Variants in DET1 observed in about 807,000 individuals in gnomAD.
DET1 encodes the protein DET1 homolog.
Under a neutral mutation model 43.7 loss-of-function variants are expected in DET1, and 22 were observed. The ratio of observed to expected loss-of-function variants is 0.50; its 90% confidence interval spans 0.36 to 0.72. DET1 has a LOEUF of 0.72. Among genes scored for constraint, DET1 ranks in the 30% least tolerant of loss-of-function variants. The pLI is 0.00. For missense variants in DET1, 713 were observed against 713.3 expected, an observed-to-expected ratio of 1.00 and a Z score of 0.00; for synonymous variants, 315 against 266.2, an observed-to-expected ratio of 1.18 and a Z score of -1.79.
At chr15:88,502,248 C>A (rs566771075) in intron 8 of DET1, 105 of 152,338 alleles carry the variant, frequency 6.9e-4, no homozygotes, top group African/African-American at 2.5e-3. Context: ...GGCAAAGAGA[C>A]TGAATCTAAA....
chr15:88,539,380 C>T (rs2057039402), intron 1 of DET1, among the ~76,000 whole-genome samples: 1 of 151,288 alleles, frequency 6.6e-6, no homozygotes, highest in Admixed American at 6.6e-5. Flanking sequence ...AGCCCAAGTC[C>T]CCTCAGGGGA....
At chr15:88,539,096 T>G (rs1265049840) in intron 1 of DET1, among the ~76,000 whole-genome samples, 1 of 13,342 alleles carries the variant, frequency 7.5e-5, no homozygotes, top group African/African-American at 7.6e-4. Context: ...GGCAGACCGC[T>G]CTCTCTCTCT....
At chr15:88,513,501 T>C (rs1439200534) in intron 4 of DET1, among the ~76,000 whole-genome samples, 1 of 152,132 alleles carries the variant, frequency 6.6e-6, no homozygotes, top group African/African-American at 2.4e-5. Flanking sequence ...AATTTTAAAT[T>C]TTCAGGTAGC....
intron 3 of DET1, among the ~76,000 whole-genome samples, chr15:88,523,349 GATTACTATAAA>G (rs2056555544): frequency 6.6e-6 from 1 of 152,042 alleles, no homozygotes; most frequent in African/African-American, 2.4e-5. Context: ...GCTGGGAAAA[GATTACTATAAA>G]ATTTAGCATT....
In DET1 at chr15:88,521,795, GTTCT is replaced by G. The variant is rs1245987057; in HGVS notation, c.1272-4826_1272-4823del. Among the ~76,000 whole-genome samples, 11 of 152,146 alleles carry G rather than the reference GTTCT, an allele frequency of 7.2e-5. No individual in the cohort carries two copies. The South Asian group carries it at 2.1e-3, about 29-fold the overall frequency. Reference sequence around the variant, plus strand: ...TATTGTTTTTACATGTGAAATGTATGTTCTTTCTCAAAGTTTTCACAATGTTCTC... The same window carrying G: ...TATTGTTTTTACATGTGAAATGTATGTTCTCAAAGTTTTCACAATGTTCTC... On this transcript the variant is annotated intron_variant, in intron 3 of 4. Coordinates refer to ENST00000268148, the MANE Select transcript of DET1 (RefSeq NM_001144074.3).
At chr15:88,525,057 C>T (rs1164267126) in intron 3 of DET1, among the ~76,000 whole-genome samples, 2 of 152,096 alleles carry the variant, frequency 1.3e-5, no homozygotes, top group African/African-American at 4.8e-5. Context: ...GTTGGGGAGA[C>T]AGAAGAGACA....
At chr15:88,509,825 G>C (rs935982076), downstream of DET1, among the ~76,000 whole-genome samples, 11 of 152,184 alleles carry the variant, frequency 7.2e-5, no homozygotes, top group African/African-American at 2.4e-4. Flanking sequence ...GAACATGAAG[G>C]GGAGTGATGT....
Position 88,531,078 on chromosome 15 carries a change from T to C in DET1, c.628A>G (p.Lys210Glu). Residue 210 changes from lysine to glutamate, a missense_variant, in exon 2 of 5, where the codon AAG becomes GAG. By Grantham distance (56) the Lys-to-Glu change is moderately conservative. Coordinates refer to ENST00000268148, the MANE Select transcript of DET1 (RefSeq NM_001144074.3). This position sits in a 1 kb window ranked among gnomAD's most constrained non-coding sequence, Gnocchi z 6.2. ...TGRLCDTRTF[K>E]CDKVVLSHNQ... The stretch of plus-strand genomic sequence containing the variant: ...TGTGACAAGACCACCTTGTCACACT[T>C]GAACGTGCGTGTATCACATAAGCGG... 2 of 1,613,998 alleles carry C rather than the reference T, an allele frequency of 1.2e-6. No homozygotes were observed. Among genetic ancestry groups the C allele is most frequent in the South Asian group, 2.2e-5 (2 of 91,080 alleles).
At chr15:88,545,883 T>C (rs1197421515) in intron 1 of DET1, among the ~76,000 whole-genome samples, 2 of 150,596 alleles carry the variant, frequency 1.3e-5, no homozygotes, top group African/African-American at 4.9e-5. Flanking sequence ...AATTAACTGA[T>C]AAGATACTGT....
At chr15:88,513,285 C>T in intron 4 of DET1, 145 bp from the exon 5 acceptor site, 1 of 821,964 alleles carries the variant, frequency 1.2e-6, no homozygotes, top group Non-Finnish European at 1.8e-6. Context: ...CCCAGGTTAT[C>T]AGAAGTATAA....
chr15:88,542,721 C>T (rs561901323), intron 1 of DET1, among the ~76,000 whole-genome samples: 5 of 152,162 alleles, frequency 3.3e-5, no homozygotes, highest in African/African-American at 1.2e-4. Flanking sequence ...AAAAATCTTA[C>T]TAATGGCTAT....
chr15:88,511,121 C>A (rs2056196107), downstream of DET1, among the ~76,000 whole-genome samples: 1 of 152,076 alleles, frequency 6.6e-6, no homozygotes. Flanking sequence ...CTTTGCAACC[C>A]TACATTTTTC....
At chr15:88,503,476 A>T (rs1017458473) in intron 8 of DET1, 4 of 152,238 alleles carry the variant, frequency 2.6e-5, no homozygotes, top group African/African-American at 9.6e-5. Flanking sequence ...AAATAAATTC[A>T]GAGATTTAAA....
intron 1 of DET1, among the ~76,000 whole-genome samples, chr15:88,541,877 C>T (rs1043249808): frequency 2.0e-5 from 3 of 152,170 alleles, no homozygotes; most frequent in Admixed American, 6.5e-5. Flanking sequence ...CATGTCTCTT[C>T]GAGGAGACGT....
At chr15:88,538,290 A>G (rs1220161356) in intron 1 of DET1, among the ~76,000 whole-genome samples, 2 of 150,852 alleles carry the variant, frequency 1.3e-5, no homozygotes, top group Non-Finnish European at 3.0e-5. Context: ...AATGCAATTA[A>G]CTGATAAGAT....
chr15:88,528,533 G>A (rs539608922), intron 2 of DET1, among the ~76,000 whole-genome samples: 6 of 152,344 alleles, frequency 3.9e-5, no homozygotes, highest in South Asian at 2.1e-4. Context: ...AACCTGAAAA[G>A]CATTCAAATG....
chr15:88,538,124 T>C (rs537723886), intron 1 of DET1, among the ~76,000 whole-genome samples: 7 of 152,292 alleles, frequency 4.6e-5, no homozygotes, highest in African/African-American at 1.7e-4. Flanking sequence ...CCTGACTGAA[T>C]TGGGACACTT....
chr15:88,527,575 G>A, intron 3 of DET1, 24 bp downstream of exon 3: 1 of 1,559,630 alleles, frequency 6.4e-7, no homozygotes, highest in Non-Finnish European at 8.7e-7. Flanking sequence ...AGAAAAGACT[G>A]TTGAGTCTGG....
intron 3 of DET1, 106 bp downstream of exon 3, chr15:88,527,493 A>C: frequency 9.5e-7 from 1 of 1,053,342 alleles, no homozygotes; most frequent in Non-Finnish European, 1.3e-6. Flanking sequence ...AGAATAACCA[A>C]AGCTATGTGG....
Sources: gnomAD v4.1 joint callset for allele counts (sites outside exome capture counted in the v4.1 genomes callset) on GRCh38, gnomAD v4.1.1 for gene constraint, Gnocchi (gnomAD v3.1) non-coding constraint, MANE v1.5 for transcripts, NCBI Gene and HGNC (gene_info 2026-07-23, HGNC 2026-07-21) for gene names.